Variants in GRK7 observed in about 807,000 individuals in gnomAD.
GRK7 encodes G protein-coupled receptor kinase 7.
In GRK7, 24 loss-of-function variants were observed where a neutral mutation model predicts 34.1. The ratio of observed to expected loss-of-function variants is 0.70; its 90% CI spans 0.51 to 0.99. The LOEUF is 0.99. Among genes scored for constraint, GRK7 ranks in the 50% least tolerant of loss-of-function variants. The probability of loss-of-function intolerance (pLI) is 0.00; values close to 1 mark genes in which losing one functional copy is unlikely to be tolerated. For synonymous variants in GRK7, 256 were observed against 279.4 expected, an observed-to-expected ratio of 0.92 and a Z score of 0.84; for missense variants, 644 against 707.3, an observed-to-expected ratio of 0.91 and a Z score of 1.02.
Position 141,778,647 on chromosome 3 carries a change from C to G in GRK7, c.363C>G (p.Asn121Lys), listed in dbSNP as rs1461007745. 1 of 1,613,090 alleles carries G rather than the reference C, an allele frequency of 6.2e-7. No individual in the cohort carries two copies. Among genetic ancestry groups the G allele is most frequent in the Non-Finnish European group, 8.5e-7 (1 of 1,179,770 alleles). ...ATCASAPAPGNPQPFLSQAVA... is the reference protein window; with the variant it reads ...ATCASAPAPGKPQPFLSQAVA... ...GTGCGAGTGCCCCTGCCCCGGGGAACCCGCAACCCTTCCTCAGCCAGGCCG... is the reference window on the plus strand; with the variant it reads ...GTGCGAGTGCCCCTGCCCCGGGGAAGCCGCAACCCTTCCTCAGCCAGGCCG... The change falls in exon 3 of 6, where the codon AAC becomes AAG. Residue 121 changes from asparagine (N) to lysine (K), a missense_variant. Physicochemically the swap from Asn to Lys is moderately conservative, Grantham distance 94. Transcript: ENST00000682958. This position sits in a 1 kb window ranked among gnomAD's most constrained non-coding sequence, Gnocchi z 4.1.
intron 1 of GRK7, among the ~76,000 whole-genome samples, chr3:141,773,705 C>T (rs1314644275): frequency 1.3e-5 from 2 of 152,112 alleles, no homozygotes; most frequent in Non-Finnish European, 2.9e-5. Flanking sequence ...TGAGCCACCG[C>T]GCCCGGCCTG....
intron 2 of GRK7, among the ~76,000 whole-genome samples, 123 bp downstream of exon 2, chr3:141,774,803 TATTATTATTATTA>T (rs1012990736): frequency 8.5e-6 from 1 of 117,598 alleles, no homozygotes; most frequent in African/African-American, 3.3e-5. Context: ...TTATTATTAT[TATTATTATTATTA>T]ATTATTATTA....
intron 4 of GRK7, among the ~76,000 whole-genome samples, chr3:141,792,364 A>G (rs1430332889): frequency 6.6e-6 from 1 of 151,346 alleles, no homozygotes; most frequent in Non-Finnish European, 1.5e-5. Context: ...AGATCATGCC[A>G]CTGCACTCCA....
intron 5 of GRK7, among the ~76,000 whole-genome samples, chr3:141,810,796 C>T (rs532062511): frequency 1.3e-3 from 198 of 152,216 alleles, no homozygotes; most frequent in African/African-American, 4.1e-3. Context: ...GTCCTGCCTA[C>T]GGGTAAGGGT....
At chr3:141,780,877 C>G (rs941304194) in intron 4 of GRK7, 66 bp downstream of exon 4, 2 of 1,409,256 alleles carry the variant, frequency 1.4e-6, no homozygotes, top group African/African-American at 2.9e-5. Flanking sequence ...GAGGGCTTTT[C>G]TATTCCCAGG....
chr3:141,801,769 G>A (rs1007443734), intron 4 of GRK7, among the ~76,000 whole-genome samples: 11 of 152,204 alleles, frequency 7.2e-5, no homozygotes, highest in African/African-American at 2.7e-4. Flanking sequence ...CAGGAGAAGT[G>A]GGAAGGGACA....
At chr3:141,799,031 G>T (rs939545416) in intron 4 of GRK7, among the ~76,000 whole-genome samples, 1 of 152,198 alleles carries the variant, frequency 6.6e-6, no homozygotes, top group African/African-American at 2.4e-5. Context: ...CCTTGGGGAG[G>T]TGGTTGCAGA....
chr3:141,790,473 A>C (rs955236537), intron 4 of GRK7, among the ~76,000 whole-genome samples: 2 of 152,060 alleles, frequency 1.3e-5, no homozygotes, highest in Admixed American at 6.5e-5. Flanking sequence ...CCCCACCTAC[A>C]CAGGGAATGA....
At chr3:141,777,322 CTTTTTTT>C (rs770173065) in intron 2 of GRK7, among the ~76,000 whole-genome samples, 28 of 52,874 alleles carry the variant, frequency 5.3e-4, no homozygotes, top group Non-Finnish European at 4.4e-4. Flanking sequence ...GATGGCCCCT[CTTTTTTT>C]TTTTTTTTTT....
intron 1 of GRK7, among the ~76,000 whole-genome samples, chr3:141,768,746 G>T (rs1270616317): frequency 6.6e-6 from 1 of 151,882 alleles, no homozygotes; most frequent in African/African-American, 2.4e-5. Flanking sequence ...CTCCAGTCAG[G>T]CTGAGAGTCC....
chr3:141,779,647 C>T (rs1441678269), intron 3 of GRK7, among the ~76,000 whole-genome samples: 2 of 152,158 alleles, frequency 1.3e-5, no homozygotes, highest in Non-Finnish European at 2.9e-5. Context: ...GGATCCAAGA[C>T]ACTCTCATCA....
intron 1 of GRK7, among the ~76,000 whole-genome samples, chr3:141,768,954 T>C (rs2084603391): frequency 1.3e-5 from 2 of 152,176 alleles, no homozygotes; most frequent in South Asian, 4.1e-4. Flanking sequence ...AAATGTTGAA[T>C]GACCTCAAGG....
Position 141,777,213 on chromosome 3 carries a change from C to A in GRK7, c.-113-959C>A, listed in dbSNP as rs190966057. Among the ~76,000 whole-genome samples the A allele has an allele frequency of 2.6e-5, 4 of 151,552 alleles. No individual in the cohort carries two copies. In the East Asian group the frequency reaches 7.8e-4, roughly 30 times the overall value. The stretch of plus-strand genomic sequence containing the variant: ...TCTGTCTTTGGGATCATGGAAAATT[C>A]TTGTCTCATTCAGAGCCCAGACACT... On this transcript the variant is annotated intron_variant, in intron 2 of 5. Transcript: ENST00000682958.
intron 2 of GRK7, among the ~76,000 whole-genome samples, 99 bp downstream of exon 2, chr3:141,774,779 G>GATTATTATTATT (rs72103272): frequency 2.0e-5 from 3 of 147,856 alleles, no homozygotes; most frequent in South Asian, 2.1e-4. Flanking sequence ...TCACCAGTCA[G>GATTATTATTATT]ATTATTATTA....
intron 4 of GRK7, among the ~76,000 whole-genome samples, chr3:141,787,741 C>G (rs576381347): frequency 2.2e-4 from 33 of 152,064 alleles, no homozygotes; most frequent in African/African-American, 7.7e-4. Flanking sequence ...GGTGCTGTGA[C>G]TCACGCCTGT....
chr3:141,757,271 G>T, the GRK7 span, among the ~76,000 whole-genome samples: 2 of 151,482 alleles, frequency 1.3e-5, no homozygotes, highest in Non-Finnish European at 2.9e-5. Context: ...GTAGCCTTAG[G>T]TATATCTATC....
At chr3:141,762,456 G>A (rs894815922), upstream of GRK7, among the ~76,000 whole-genome samples, 1 of 149,048 alleles carries the variant, frequency 6.7e-6, no homozygotes. Flanking sequence ...CCCACTTGAG[G>A]AGGCAGTCTG....
rs375044950 is a variant in GRK7 at position 141,816,701 on chromosome 3, C to T, written c.1326-13C>T. 4 of 1,490,462 alleles carry T rather than the reference C, an allele frequency of 2.7e-6. No homozygotes were observed. Among genetic ancestry groups the T allele is most frequent in the Non-Finnish European group, 2.7e-6 (3 of 1,109,904 alleles). 92.3% of individuals were successfully genotyped at this position (1,490,462 alleles called of 1,614,324 possible). A position where few individuals can be genotyped will look rare whatever the true frequency, so the allele number is the denominator to read the frequency against. On this transcript the variant is annotated splice_polypyrimidine_tract_variant and intron_variant, in intron 5 of 5. Coordinates refer to ENST00000682958, the MANE Select transcript of GRK7 (RefSeq NM_139209.3). The stretch of plus-strand genomic sequence containing the variant: ...TAACTCTGTCTCAGGCTGATCATCT[C>T]CTTTCTTCACAGAGAAAAGTCTGAT...
Position 141,778,975 on chromosome 3 carries a change from A to G in GRK7, c.612+79A>G. The G allele has an allele frequency of 7.3e-7, 1 of 1,360,730 alleles. No homozygotes were observed. The highest frequency in any genetic ancestry group is 1.0e-6 in the Non-Finnish European group (1 of 994,334). The allele number at this position is 1,360,730 out of a possible 1,614,324, so 84.3% of individuals were successfully genotyped here. Reference sequence around the variant, plus strand: ...GGTAATGTTGCCTTTCTTTTTTTAAATCTCAGTTACTTAGAACTAATTTCA... The same window carrying G: ...GGTAATGTTGCCTTTCTTTTTTTAAGTCTCAGTTACTTAGAACTAATTTCA... On this transcript the variant is annotated intron_variant, in intron 3 of 5. Transcript: ENST00000682958. This position sits in a 1 kb window ranked among gnomAD's most constrained non-coding sequence, Gnocchi z 4.1.
Sources: allele counts gnomAD v4.1 joint callset (sites outside exome capture counted in the v4.1 genomes callset), GRCh38; gene constraint gnomAD v4.1.1; non-coding constraint Gnocchi (gnomAD v3.1); transcripts MANE v1.5; gene names NCBI Gene and HGNC (gene_info 2026-07-23, HGNC 2026-07-21).